The following SYNE3 variants were observed in gnomAD, a reference collection of about 807,000 sequenced individuals.
SYNE3 encodes the protein nesprin-3.
In SYNE3, 100 loss-of-function variants were observed where a neutral mutation model predicts 111.2. That is an observed-to-expected ratio of 0.90 (90% CI 0.77 to 1.06). The LOEUF is 1.06. Ranked by LOEUF, SYNE3 falls within the 50% of genes least tolerant of loss-of-function variation. SYNE3 has a pLI of 0.00. For missense variants in SYNE3, 1,160 were observed against 1,240.3 expected (o/e 0.94, Z 0.97); for synonymous variants, 547 against 533.9 (o/e 1.02, Z -0.34).
At chr14:95,427,060 A>C (rs898876411) in intron 17 of SYNE3, among the ~76,000 whole-genome samples, 1 of 152,152 alleles carries the variant, frequency 6.6e-6, no homozygotes, top group African/African-American at 2.4e-5. Context: ...TATTATAATA[A>C]TCCTCGCTCT....
chr14:95,503,244 C>T (rs1276005959), intron 1 of SYNE3, among the ~76,000 whole-genome samples: 1 of 152,236 alleles, frequency 6.6e-6, no homozygotes, highest in Non-Finnish European at 1.5e-5. Context: ...TTCTCTGGGC[C>T]TCACCTACCA....
chr14:95,487,924 T>C (rs1889630345), intron 1 of SYNE3, among the ~76,000 whole-genome samples: 1 of 150,790 alleles, frequency 6.6e-6, no homozygotes, highest in Non-Finnish European at 1.5e-5. Context: ...CTCTTCCTCC[T>C]CCTCCTCCTC....
At chr14:95,429,092 C>T (rs1055252350) in intron 17 of SYNE3, among the ~76,000 whole-genome samples, 2 of 152,228 alleles carry the variant, frequency 1.3e-5, no homozygotes, top group Admixed American at 6.5e-5. Context: ...CACAGGCATA[C>T]GCCACACTCC....
At chr14:95,503,412 G>C (rs1295535053) in intron 1 of SYNE3, among the ~76,000 whole-genome samples, 1 of 152,170 alleles carries the variant, frequency 6.6e-6, no homozygotes, top group Non-Finnish European at 1.5e-5. Flanking sequence ...AGGTCCTACT[G>C]TTCCTGCCTA....
In SYNE3 at chr14:95,465,545, A is replaced by G. The variant is rs116975234; in HGVS notation, c.627+386T>C. ...GGTAGGTGAATGAGTAGATAGATGAATGCGTGGGCGATTAAGTGGTTGAAG... is the reference window on the plus strand; with the variant it reads ...GGTAGGTGAATGAGTAGATAGATGAGTGCGTGGGCGATTAAGTGGTTGAAG... On this transcript the variant is annotated intron_variant, in intron 4 of 17. Transcript: ENST00000682763. Among the ~76,000 whole-genome samples the G allele has an allele frequency of 9.9e-4, 151 of 152,134 alleles. 3 individuals are homozygous for G. In the South Asian group the frequency reaches 0.017, roughly 17 times the overall value.
At chr14:95,476,530 C>T (rs1174218092) in intron 1 of SYNE3, among the ~76,000 whole-genome samples, 1 of 152,276 alleles carries the variant, frequency 6.6e-6, no homozygotes, top group Non-Finnish European at 1.5e-5. Context: ...AGGTCACCCA[C>T]CAGAGACCCC....
At chr14:95,502,853 A>G (rs2139601685) in intron 1 of SYNE3, among the ~76,000 whole-genome samples, 1 of 152,296 alleles carries the variant, frequency 6.6e-6, no homozygotes, top group South Asian at 2.1e-4. Flanking sequence ...AGTCTTCCCC[A>G]GATGCTTGTT....
intron 1 of SYNE3, among the ~76,000 whole-genome samples, chr14:95,480,969 G>A (rs113260495): frequency 0.018 from 2,689 of 152,328 alleles, 41 homozygotes; most frequent in Non-Finnish European, 0.027. Context: ...CCATTAGCTG[G>A]CGGCCTGGGC....
intron 9 of SYNE3, 29 bp downstream of exon 9, chr14:95,445,880 G>A: frequency 6.2e-7 from 1 of 1,608,590 alleles, no homozygotes; most frequent in Non-Finnish European, 8.5e-7. Context: ...GCCAAGCCAA[G>A]TCCCGAGCAG....
rs371647696 is a variant in SYNE3, at chr14:95,439,765, G to T, written c.2093C>A (p.Pro698Gln). The change falls in exon 13 of 18, where the codon CCG becomes CAG. Residue 698 changes from proline to glutamine, a missense_variant. Transcript: ENST00000682763. Reference protein sequence around the residue: ...AEFERLVAEFPEKEAQLSLVE... With the variant: ...AEFERLVAEFQEKEAQLSLVE... ...CAGGGACAGCTGGGCCTCCTTCTCCGGGAATTCTGCCACCAGCCTCTAAAG... is the reference window on the plus strand; with the variant it reads ...CAGGGACAGCTGGGCCTCCTTCTCCTGGAATTCTGCCACCAGCCTCTAAAG... 1 of 1,612,800 alleles carries T rather than the reference G, an allele frequency of 6.2e-7. No homozygotes were observed. Among genetic ancestry groups the T allele is most frequent in the South Asian group, 1.1e-5 (1 of 90,892 alleles).
chr14:95,471,949 G>A (rs879685033), intron 2 of SYNE3, among the ~76,000 whole-genome samples: 7 of 152,202 alleles, frequency 4.6e-5, no homozygotes, highest in Admixed American at 2.6e-4. Context: ...ACCCCCAGCT[G>A]AGCATTATGC....
intron 17 of SYNE3, among the ~76,000 whole-genome samples, chr14:95,422,882 G>A (rs1348641967): frequency 6.6e-6 from 1 of 152,226 alleles, no homozygotes; most frequent in African/African-American, 2.4e-5. Context: ...GTGTGGCCAG[G>A]ACCACTGTCT....
intron 4 of SYNE3, among the ~76,000 whole-genome samples, chr14:95,459,062 G>A (rs1271975799): frequency 1.3e-5 from 2 of 152,142 alleles, no homozygotes; most frequent in African/African-American, 2.4e-5. Flanking sequence ...TCTGTCAAGG[G>A]CCACCCAGGA....
At chr14:95,477,881 T>C (rs1888986666) in intron 1 of SYNE3, among the ~76,000 whole-genome samples, 1 of 152,246 alleles carries the variant, frequency 6.6e-6, no homozygotes, top group Non-Finnish European at 1.5e-5. Flanking sequence ...GTGTGTGACT[T>C]GAATGGCTTC....
At chr14:95,489,093 AC>A (rs1419128730) in intron 1 of SYNE3, among the ~76,000 whole-genome samples, 1 of 152,234 alleles carries the variant, frequency 6.6e-6, no homozygotes, top group African/African-American at 2.4e-5. Context: ...CACTTGGCCA[AC>A]AGGGACCTGC....
At chr14:95,501,007 G>GGTCC (rs1890315126) in intron 1 of SYNE3, among the ~76,000 whole-genome samples, 1 of 152,204 alleles carries the variant, frequency 6.6e-6, no homozygotes, top group Admixed American at 6.5e-5. Context: ...AGGGACTGAT[G>GGTCC]GTCCACACGC....
rs749913337 is a variant in SYNE3, at chr14:95,465,924, C to T, written c.627+7G>A. Reference sequence around the variant, plus strand: ...TGAGGATGTAGCCCACTCAGCCTCACCCTCACCTGGGCCTTGGCCTTCACT... The same window carrying T: ...TGAGGATGTAGCCCACTCAGCCTCATCCTCACCTGGGCCTTGGCCTTCACT... On this transcript the variant is annotated splice_region_variant and intron_variant, in intron 4 of 17. Transcript: ENST00000682763. 1 of 1,564,338 alleles carries T rather than the reference C, an allele frequency of 6.4e-7. No homozygotes were observed. The highest frequency in any genetic ancestry group is 1.2e-5 in the South Asian group (1 of 85,262).
At chr14:95,495,490 A>T (rs780718556) in intron 1 of SYNE3, among the ~76,000 whole-genome samples, 5 of 152,226 alleles carry the variant, frequency 3.3e-5, no homozygotes, top group Non-Finnish European at 5.9e-5. Flanking sequence ...GCTACTCACA[A>T]TGGCAATAGT....
In SYNE3 at chr14:95,444,520, G is replaced by T; in HGVS notation, c.1741C>A (p.Leu581Ile). ...VQAEKGLQRD[L>I]PGKQAQLSRL... ...GAGAGCTGGGCCTGTTTTCCAGGAAGGTCCCGCTGAAGCCCCTTCTCGGCT... is the reference window on the plus strand; with the variant it reads ...GAGAGCTGGGCCTGTTTTCCAGGAATGTCCCGCTGAAGCCCCTTCTCGGCT... Residue 581 changes from leucine (L) to isoleucine (I), a missense_variant, in exon 10 of 18, where the codon CTT becomes ATT. Transcript: ENST00000682763. 1 of 1,613,238 alleles carries T rather than the reference G, an allele frequency of 6.2e-7. No individual in the cohort carries two copies.
Sources: gnomAD v4.1 joint callset for allele counts (sites outside exome capture counted in the v4.1 genomes callset) on GRCh38, gnomAD v4.1.1 for gene constraint, MANE v1.5 for transcripts, NCBI Gene and HGNC (gene_info 2026-07-23, HGNC 2026-07-21) for gene names.